Variants in DDX10 observed in about 807,000 individuals in gnomAD.
DDX10 encodes the protein probable ATP-dependent RNA helicase DDX10.
A neutral mutation model predicts 104.3 loss-of-function variants in DDX10; 74 were observed. That is an observed-to-expected ratio of 0.71 (90% CI 0.59 to 0.86). The LOEUF (loss-of-function observed/expected upper bound fraction) is 0.86, where lower values mean the gene tolerates loss of function less well. Ranked by LOEUF, DDX10 falls within the 40% of genes least tolerant of loss-of-function variation. The pLI is 0.00. For missense variants in DDX10, 952 were observed against 1,040.0 expected, an observed-to-expected ratio of 0.92 and a Z score of 1.16; for synonymous variants, 351 against 353.4, an observed-to-expected ratio of 0.99 and a Z score of 0.08.
chr11:108,896,753 T>A (rs1863446703), intron 16 of DDX10, among the ~76,000 whole-genome samples: 1 of 152,150 alleles, frequency 6.6e-6, no homozygotes, highest in South Asian at 2.1e-4. Context: ...AGGTAATTTT[T>A]ATTGAGTGCC....
intron 16 of DDX10, among the ~76,000 whole-genome samples, chr11:108,898,178 T>G (rs568732784): frequency 1.4e-4 from 21 of 152,202 alleles, no homozygotes; most frequent in Middle Eastern, 6.8e-3. Flanking sequence ...TGACACTGGG[T>G]AGGCCCACCT....
At chr11:108,838,384 G>A in intron 13 of DDX10, 62 bp from the exon 14 acceptor site, 1 of 1,546,802 alleles carries the variant, frequency 6.5e-7, no homozygotes, top group Non-Finnish European at 8.7e-7. Flanking sequence ...GCCAGAGTTG[G>A]ATTGTTAATA....
At chr11:108,760,668 T>A (rs2094349683) in intron 13 of DDX10, among the ~76,000 whole-genome samples, 1 of 151,290 alleles carries the variant, frequency 6.6e-6, no homozygotes, top group African/African-American at 2.4e-5. Flanking sequence ...ATGTACAACA[T>A]AACACTGTTT....
chr11:108,722,329 A>C (rs1204374578), intron 12 of DDX10, among the ~76,000 whole-genome samples: 1 of 152,218 alleles, frequency 6.6e-6, no homozygotes, highest in Non-Finnish European at 1.5e-5. Context: ...TGAGAACTTA[A>C]TGAAGCTATT....
chr11:108,934,576 T>G (rs965425681), intron 17 of DDX10, among the ~76,000 whole-genome samples: 2 of 152,146 alleles, frequency 1.3e-5, no homozygotes, highest in Non-Finnish European at 2.9e-5. Flanking sequence ...ATGTAATGGA[T>G]AGAGGAAGAG....
Position 108,693,512 on chromosome 11 carries a change from G to A in DDX10, c.1139-4G>A, listed in dbSNP as rs376427484. 2.5e-5 allele frequency: 41 copies of A among 1,612,720 alleles called. No individual in the cohort carries two copies. In the East Asian group the frequency reaches 6.0e-4, roughly 24 times the overall value. On this transcript the variant is annotated splice_region_variant and splice_polypyrimidine_tract_variant and intron_variant, in intron 8 of 17. Coordinates refer to ENST00000322536, the MANE Select transcript of DDX10 (RefSeq NM_004398.4). ...TTTCTTAACTTCACATCCCTTCTCT[G>A]TAGATTTCCCGGCCGTGAATTGGGT...
rs149974860 is a variant in DDX10, at chr11:108,938,483, C to A, written c.2451-1763C>A. Among the ~76,000 whole-genome samples, 382 of 152,286 alleles carry A rather than the reference C, an allele frequency of 2.5e-3. 5 individuals are homozygous for A. The highest frequency in any genetic ancestry group is 9.0e-3 in the African/African-American group (374 of 41,562). ...CTTGATGTATAGGCAGAGCAAATAC[C>A]AGTATTCCCTTGAACCAAATAGATC... On this transcript the variant is annotated intron_variant, in intron 17 of 17. Coordinates refer to ENST00000322536, the MANE Select transcript of DDX10 (RefSeq NM_004398.4).
intron 9 of DDX10, among the ~76,000 whole-genome samples, chr11:108,701,857 T>G: frequency 6.6e-6 from 1 of 152,090 alleles, no homozygotes; most frequent in South Asian, 2.1e-4. Flanking sequence ...GGCTAATTTT[T>G]GTACTTTTAG....
intron 13 of DDX10, among the ~76,000 whole-genome samples, chr11:108,775,522 C>T (rs1326424473): frequency 6.6e-6 from 1 of 152,182 alleles, no homozygotes; most frequent in African/African-American, 2.4e-5. Flanking sequence ...TGATTAATTG[C>T]ATCATCTCAA....
At position 108,675,766 on chromosome 11, in the gene DDX10, AT is replaced by A. The variant is rs755062838; in HGVS notation, c.378+44del. The A allele has an allele frequency of 1.2e-5, 19 of 1,603,690 alleles. No individual in the cohort carries two copies. In the East Asian group the frequency reaches 4.2e-4, roughly 36 times the overall value. On this transcript the variant is annotated intron_variant, in intron 3 of 17. Coordinates refer to ENST00000322536, the MANE Select transcript of DDX10 (RefSeq NM_004398.4). ...ATTGGGTCAGACTGTCTGTTATACA[AT>A]TTTATAACATTCTGTGCCCAGATGC... is the stretch of plus-strand genomic sequence containing the variant.
At chr11:108,851,213 C>T (rs142605713) in intron 15 of DDX10, among the ~76,000 whole-genome samples, 4 of 151,978 alleles carry the variant, frequency 2.6e-5, no homozygotes, top group African/African-American at 9.6e-5. Context: ...CACAGGAAAA[C>T]TGCATGGGGG....
chr11:108,686,934 G>A (rs184540927), intron 6 of DDX10, among the ~76,000 whole-genome samples: 17 of 152,092 alleles, frequency 1.1e-4, no homozygotes, highest in South Asian at 2.1e-4. Context: ...ACAGGTGCCC[G>A]CCACCACGCC....
chr11:108,805,408 C>T (rs1462017303), intron 13 of DDX10, among the ~76,000 whole-genome samples: 1 of 152,054 alleles, frequency 6.6e-6, no homozygotes, highest in Non-Finnish European at 1.5e-5. Context: ...GCAAGTGGTA[C>T]AAAGATAAAT....
At position 108,678,357 on chromosome 11, in the gene DDX10, C is replaced by T. The variant is rs780418559; in HGVS notation, c.580C>T (p.Leu194Phe). The T allele has an allele frequency of 1.9e-6, 3 of 1,612,742 alleles. No individual in the cohort carries two copies. Among genetic ancestry groups the T allele is most frequent in the Non-Finnish European group, 2.5e-6 (3 of 1,179,552 alleles). The change falls in exon 5 of 18, where the codon CTC becomes TTC. Residue 194 changes from leucine (L) to phenylalanine (F), a missense_variant. Transcript: ENST00000322536. ...TGAGAGGATCAACAACATAAATATA[C>T]TCGTGTGCACACCAGGTCGGCTTCT... ...EAERINNINI[L>F]VCTPGRLLQH...
At chr11:108,885,234 A>G (rs988832339) in intron 16 of DDX10, among the ~76,000 whole-genome samples, 3 of 152,128 alleles carry the variant, frequency 2.0e-5, no homozygotes, top group Non-Finnish European at 2.9e-5. Flanking sequence ...TCTCAAACTC[A>G]TATCTAATCT....
rs200494978 is a variant in DDX10 at position 108,670,799 on chromosome 11, A to ATT, written c.187-2657_187-2656dup. On this transcript the variant is annotated intron_variant, in intron 1 of 17. Coordinates refer to ENST00000322536, the MANE Select transcript of DDX10 (RefSeq NM_004398.4). ...GCATAGAAACTGCATTCAAATCCTG[A>ATT]TTTTTTTTTTTTAAATCAAAATTTG... Among the ~76,000 whole-genome samples, 15 of 148,634 alleles carry ATT rather than the reference A, an allele frequency of 1.0e-4. No homozygotes were observed. The East Asian group carries it at 1.6e-3, about 16-fold the overall frequency.
intron 13 of DDX10, among the ~76,000 whole-genome samples, chr11:108,752,706 T>C (rs1230198181): frequency 6.6e-6 from 1 of 152,172 alleles, no homozygotes; most frequent in Non-Finnish European, 1.5e-5. Context: ...TGAGGTGGTT[T>C]GTATTTGTCA....
intron 7 of DDX10, among the ~76,000 whole-genome samples, chr11:108,690,005 T>C (rs1327329657): frequency 6.6e-6 from 1 of 151,788 alleles, no homozygotes; most frequent in Non-Finnish European, 1.5e-5. Flanking sequence ...TGCTTGAGTC[T>C]AGAAGTTTAA....
At chr11:108,844,157 A>G (rs1393247859) in intron 15 of DDX10, among the ~76,000 whole-genome samples, 1 of 152,192 alleles carries the variant, frequency 6.6e-6, no homozygotes, top group Non-Finnish European at 1.5e-5. Flanking sequence ...CAAGAGTCAC[A>G]GTATTTTTTT....
Sources: gnomAD v4.1 joint callset for allele counts (sites outside exome capture counted in the v4.1 genomes callset) on GRCh38, gnomAD v4.1.1 for gene constraint, MANE v1.5 for transcripts, NCBI Gene and HGNC (gene_info 2026-07-23, HGNC 2026-07-21) for gene names.